Variants in PIGA observed in about 807,000 individuals in gnomAD.
PIGA encodes phosphatidylinositol N-acetylglucosaminyltransferase subunit A.
In PIGA, 3 loss-of-function variants were observed where a neutral mutation model predicts 17.1. The observed-to-expected ratio is 0.18, with a 90% confidence interval of 0.08 to 0.45. The LOEUF (loss-of-function observed/expected upper bound fraction) is 0.45. Ranked by LOEUF, PIGA falls within the 20% of genes least tolerant of loss-of-function variation. The probability of loss-of-function intolerance (pLI) is 0.99; values close to 1 mark genes in which losing one functional copy is unlikely to be tolerated. For missense variants in PIGA, 231 were observed against 374.1 expected (o/e 0.62, Z 3.16); for synonymous variants, 126 against 135.1 (o/e 0.93, Z 0.47).
At chrX:15,327,255 T>C (rs1180460180) in intron 2 of PIGA, 2 of 100,236 alleles carry the variant, frequency 2.0e-5, no homozygotes, top group African/African-American at 3.8e-5. Context: ...CGAGACTCCG[T>C]CTCAAAAAAA....
In PIGA at chrX:15,332,008, A is replaced by C; in HGVS notation, c.-62-16T>G. ...CCTCTATTACCTGAAAAAGAGTAAAACAGGATCTCAGCTCAGAAACAAAAC... is the reference window on the plus strand; with the variant it reads ...CCTCTATTACCTGAAAAAGAGTAAACCAGGATCTCAGCTCAGAAACAAAAC... On this transcript the variant is annotated splice_polypyrimidine_tract_variant and intron_variant, in intron 1 of 5. Coordinates refer to ENST00000333590, the MANE Select transcript of PIGA (RefSeq NM_002641.4). 1 of 1,067,376 alleles carries C rather than the reference A, an allele frequency of 9.4e-7. No homozygotes were observed. Among genetic ancestry groups the C allele is most frequent in the African/African-American group, 1.8e-5 (1 of 54,094 alleles). 88.0% of individuals were successfully genotyped at this position (1,067,376 alleles called of 1,213,427 possible).
Position 15,321,638 on chromosome X carries a change from G to C in PIGA, c.1323C>G (p.Phe441Leu). Residue 441 changes from phenylalanine to leucine, a missense_variant, in exon 6 of 6, where the codon TTC becomes TTG. Coordinates refer to ENST00000333590, the MANE Select transcript of PIGA (RefSeq NM_002641.4). Reference protein sequence around the residue: ...LAVFNFLFLIFLRWMTPDSII... With the variant: ...LAVFNFLFLILLRWMTPDSII... The stretch of plus-strand genomic sequence containing the variant: ...TAGAATCTGGAGTCATCCATCTCAA[G>C]AAAATGAGGAAGAGGAAGTTGAAAA... 8.3e-7 allele frequency: 1 copy of C among 1,210,939 alleles called. No homozygotes were observed. The highest frequency in any genetic ancestry group is 1.1e-6 in the Non-Finnish European group (1 of 894,738).
chrX:15,326,150 C>T, intron 2 of PIGA, 104 bp from the exon 3 acceptor site: 2 of 507,792 alleles, frequency 3.9e-6, no homozygotes, highest in Non-Finnish European at 6.4e-6. Context: ...TAGCTATGCA[C>T]TCCATAAAGG....
At chrX:15,325,776 T>C in intron 3 of PIGA, 138 bp downstream of exon 3, 1 of 415,518 alleles carries the variant, frequency 2.4e-6, no homozygotes, top group Non-Finnish European at 3.9e-6. Context: ...AAAACAGTCC[T>C]TGCATTAGAT....
chrX:15,330,042 G>A (rs1448902585), intron 2 of PIGA, among the ~76,000 whole-genome samples: 1 of 109,686 alleles, frequency 9.1e-6, no homozygotes, highest in Admixed American at 9.7e-5. Flanking sequence ...CTGAGATCAC[G>A]TCACTGCACT....
In PIGA at chrX:15,325,124, T is replaced by C. The variant is rs202161781; in HGVS notation, c.877A>G (p.Lys293Glu). 11 of 1,199,931 alleles carry C rather than the reference T, an allele frequency of 9.2e-6. No homozygotes were observed. Among genetic ancestry groups the C allele is most frequent in the Non-Finnish European group, 1.2e-5 (11 of 890,705 alleles). ...TGAACTAAGACATTTCTAACATCCT[T>C]GTGTTCTAAAGCTCCCAAAAGACGC... ...RVRLLGALEH[K>E]DVRNVLVQGH... Residue 293 changes from lysine to glutamate, a missense_variant, in exon 4 of 6, where the codon AAG (lysine) becomes GAG (glutamate). Coordinates refer to ENST00000333590, the MANE Select transcript of PIGA (RefSeq NM_002641.4).
intron 2 of PIGA, chrX:15,327,568 G>C (rs960889543): frequency 1.8e-5 from 2 of 111,621 alleles, no homozygotes; most frequent in Non-Finnish European, 3.8e-5. Flanking sequence ...GAATATGAAG[G>C]CTTCTCATTA....
Position 15,330,430 on chromosome X carries a change from A to T in PIGA, c.715+786T>A, listed in dbSNP as rs761039585. On this transcript the variant is annotated intron_variant, in intron 2 of 5. Coordinates refer to ENST00000333590, the MANE Select transcript of PIGA (RefSeq NM_002641.4). ...TCAGTATATGTACGTACACATAAAAAAGACAGGAAAGCTATAAATCAAAAT... is the reference window on the plus strand; with the variant it reads ...TCAGTATATGTACGTACACATAAAATAGACAGGAAAGCTATAAATCAAAAT... Among the ~76,000 whole-genome samples the T allele has an allele frequency of 2.7e-5, 3 of 112,595 alleles. No homozygotes were observed. The South Asian group carries it at 1.1e-3, about 41-fold the overall frequency.
At chrX:15,328,383 G>A (rs1339826201) in intron 2 of PIGA, 1 of 112,272 alleles carries the variant, frequency 8.9e-6, no homozygotes, top group Non-Finnish European at 1.9e-5. Flanking sequence ...TACACATGCA[G>A]AGTGCTGGTA....
At chrX:15,333,788 C>A (rs1443222853) in intron 1 of PIGA, among the ~76,000 whole-genome samples, 1 of 112,451 alleles carries the variant, frequency 8.9e-6, no homozygotes, top group Non-Finnish European at 1.9e-5. Context: ...GTTATGCAGG[C>A]CTTTCAAACT....
At position 15,321,272 on chromosome X, in the gene PIGA, C is replaced by T. The variant is rs1295588900; in HGVS notation, c.*234G>A. The T allele has an allele frequency of 3.1e-5, 10 of 319,782 alleles. No homozygotes were observed. The highest frequency in any genetic ancestry group is 2.1e-4 in the African/African-American group (8 of 37,842). The allele number at this position is 319,782 out of a possible 1,213,427, so 26.4% of individuals were successfully genotyped here. ...TTTCAGTAGTCTGAAAAATTGCATACCTGAGTGGCTTAAATGTTCTCTCCT... is the reference window on the plus strand; with the variant it reads ...TTTCAGTAGTCTGAAAAATTGCATATCTGAGTGGCTTAAATGTTCTCTCCT... On this transcript the variant is annotated 3_prime_UTR_variant, in exon 6 of 6. Coordinates refer to ENST00000333590, the MANE Select transcript of PIGA (RefSeq NM_002641.4).
chrX:15,334,590 A>T (rs929382891), intron 1 of PIGA, among the ~76,000 whole-genome samples: 3 of 111,765 alleles, frequency 2.7e-5, no homozygotes, highest in Non-Finnish European at 5.6e-5. Context: ...AAATTCCCCA[A>T]GTTTGTACTT....
intron 2 of PIGA, among the ~76,000 whole-genome samples, chrX:15,330,075 G>A (rs1445568914): frequency 1.0e-4 from 10 of 97,035 alleles, no homozygotes; most frequent in African/African-American, 2.6e-4. Context: ...GTGACAGTGC[G>A]AGACTCCGTC....
chrX:15,321,857 G>A, intron 5 of PIGA, 85 bp from the exon 6 acceptor site: 3 of 890,176 alleles, frequency 3.4e-6, no homozygotes, highest in Non-Finnish European at 4.8e-6. Context: ...GATCCTGCAG[G>A]AACATTTTAT....
At chrX:15,332,212 C>T (rs1922188297) in intron 1 of PIGA, among the ~76,000 whole-genome samples, 2 of 112,493 alleles carry the variant, frequency 1.8e-5, no homozygotes, top group Non-Finnish European at 1.9e-5. Context: ...CCTAAAAATA[C>T]TGCTACATGT....
intron 2 of PIGA, among the ~76,000 whole-genome samples, chrX:15,330,256 C>A (rs1051971818): frequency 1.8e-5 from 2 of 111,988 alleles, no homozygotes; most frequent in African/African-American, 6.5e-5. Flanking sequence ...CTCGATCACA[C>A]AGCAGGACAG....
chrX:15,327,828 T>C lies in PIGA; in HGVS notation c.716-1782A>G, dbSNP rs186411782. ...ACAGAGTGCTTGCTATGACAGGCAA[T>C]ATACTTTAAATTCATTATGTCATTT... On this transcript the variant is annotated intron_variant, in intron 2 of 5. Transcript: ENST00000333590. The C allele has an allele frequency of 3.8e-4, 43 of 111,994 alleles. No homozygotes were observed. In the East Asian group the frequency reaches 8.6e-3, roughly 22 times the overall value. 9.2% of individuals were successfully genotyped at this position (111,994 alleles called of 1,213,427 possible).
At chrX:15,325,818 C>G in intron 3 of PIGA, 96 bp downstream of exon 3, 1 of 620,554 alleles carries the variant, frequency 1.6e-6, no homozygotes, top group Admixed American at 3.6e-5. Context: ...CAATTACATG[C>G]AGGAGAAGCA....
chrX:15,333,680 C>CA (rs1922237358), intron 1 of PIGA, among the ~76,000 whole-genome samples: 1 of 111,170 alleles, frequency 9.0e-6, no homozygotes, highest in African/African-American at 3.3e-5. Flanking sequence ...GACTCCATCT[C>CA]AAAAAAACAA....
Sources: allele counts gnomAD v4.1 joint callset (sites outside exome capture counted in the v4.1 genomes callset), GRCh38; gene constraint gnomAD v4.1.1; transcripts MANE v1.5; gene names NCBI Gene and HGNC (gene_info 2026-07-23, HGNC 2026-07-21).